LENG8: variants seen among roughly 807,000 people sequenced by gnomAD.
LENG8 encodes leukocyte receptor cluster (LRC) member 8.
A neutral mutation model predicts 102.1 loss-of-function variants in LENG8; 28 were observed. The observed-to-expected ratio is 0.27, with a 90% CI of 0.20 to 0.38. The LOEUF is 0.38. LENG8 is among the 10% of genes least tolerant of loss of function. The pLI, the probability that LENG8 is intolerant of heterozygous loss-of-function variation, is 1.00. For missense variants in LENG8, 1,022 were observed against 1,113.9 expected, an observed-to-expected ratio of 0.92 and a Z score of 1.17; for synonymous variants, 531 against 456.7, an observed-to-expected ratio of 1.16 and a Z score of -2.07.
At position 54,455,557 on chromosome 19, in the gene LENG8, C is replaced by G; in HGVS notation, c.1015C>G (p.Pro339Ala). Reference sequence around the variant, plus strand: ...CTATACCATTGACTGGAGCCGGGAGCCCTTGCCGGGGTTAGTCTGGGTGGG... The same window carrying G: ...CTATACCATTGACTGGAGCCGGGAGGCCTTGCCGGGGTTAGTCTGGGTGGG... ...SAYTIDWSREPLPGLTREPVA... is the reference protein window; with the variant it reads ...SAYTIDWSREALPGLTREPVA... The change falls in exon 8 of 16, where the codon CCC becomes GCC. Residue 339 changes from proline to alanine, a missense_variant. Coordinates refer to ENST00000326764, the MANE Select transcript of LENG8 (RefSeq NM_052925.4). 6.2e-7 allele frequency: 1 copy of G among 1,610,150 alleles called. No homozygotes were observed. The highest frequency in any genetic ancestry group is 1.1e-5 in the South Asian group (1 of 90,816).
At chr19:54,456,605 G>A (rs747803403) in intron 10 of LENG8, 31 bp from the exon 11 acceptor site, 2 of 1,587,940 alleles carry the variant, frequency 1.3e-6, no homozygotes, top group African/African-American at 1.3e-5. Context: ...GGAGACGCCT[G>A]TCGCGCTCAC....
Position 54,461,306 on chromosome 19 carries a change from G to A in LENG8, c.*378G>A. 1 of 466,132 alleles carries A rather than the reference G, an allele frequency of 2.1e-6. No homozygotes were observed. The highest frequency in any genetic ancestry group is 1.6e-5 in the South Asian group (1 of 63,218). 28.9% of individuals were successfully genotyped at this position (466,132 alleles called of 1,614,324 possible). On this transcript the variant is annotated 3_prime_UTR_variant, in exon 16 of 16. Transcript: ENST00000326764. ...GCCCATCCCATGCCGGGGGGCCAGT[G>A]GAAAGAAGACAGGCCGTCCAGCCCG...
chr19:54,461,469 C>A lies in LENG8; in HGVS notation c.*541C>A. 1 of 462,282 alleles carries A rather than the reference C, an allele frequency of 2.2e-6. No individual in the cohort carries two copies. Among genetic ancestry groups the A allele is most frequent in the Non-Finnish European group, 4.4e-6 (1 of 225,670 alleles). 28.6% of individuals were successfully genotyped at this position (462,282 alleles called of 1,614,324 possible). A position where few individuals can be genotyped will look rare whatever the true frequency, so the allele number is the denominator to read the frequency against. ...GAGCTGCTTAGAGACTGTGCCCGTCCTCGGCCCCCCACCCTGAAGTGCCAG... is the reference window on the plus strand; with the variant it reads ...GAGCTGCTTAGAGACTGTGCCCGTCATCGGCCCCCCACCCTGAAGTGCCAG... On this transcript the variant is annotated 3_prime_UTR_variant, in exon 16 of 16. Transcript: ENST00000326764.
Position 54,456,067 on chromosome 19 carries a change from G to C in LENG8, c.1126G>C (p.Gly376Arg), listed in dbSNP as rs1291656726. The C allele has an allele frequency of 3.7e-6, 6 of 1,609,780 alleles. No homozygotes were observed. Among genetic ancestry groups the C allele is most frequent in the Non-Finnish European group, 5.1e-6 (6 of 1,177,348 alleles). ...AGGGGCAGGCTCGGCGACAAGGGGC[G>C]GGGGTGCCCCGTCCCAGCGAGGGAC... ...PRGAGSATRG[G>R]GAPSQRGTPG... is the part of the protein sequence containing the mutation. The change falls in exon 9 of 16, where the codon GGG becomes CGG. Residue 376 changes from glycine (G) to arginine (R), a missense_variant. Transcript: ENST00000326764.
At chr19:54,454,243 A>G (rs536945962) in intron 5 of LENG8, among the ~76,000 whole-genome samples, 187 bp from the exon 6 acceptor site, 157 of 152,288 alleles carry the variant, frequency 1.0e-3, no homozygotes, top group African/African-American at 3.7e-3. Flanking sequence ...GTCAGCTGTG[A>G]AAAGGGCTGT....
At chr19:54,459,022 G>C in intron 15 of LENG8, 1 of 1,435,488 alleles carries the variant, frequency 7.0e-7, no homozygotes, top group East Asian at 2.5e-5. Context: ...TGGGCGCGGT[G>C]CCAGAGGCCC....
In LENG8 at chr19:54,460,910, G is replaced by A. The variant is rs371024736; in HGVS notation, c.2385G>A (p.Ala795=). ...GCATCGACTGCCGCCTCAGCCTGGC[G>A]CAGCTGTCAGCCTTCTGAGCACCCA... ...NSSIDCRLSL[A]QLSAF Residue 795 remains alanine (A), a synonymous_variant, in exon 16 of 16, where the codon GCG becomes GCA. Coordinates refer to ENST00000326764, the MANE Select transcript of LENG8 (RefSeq NM_052925.4). 58 of 1,549,164 alleles carry A rather than the reference G, an allele frequency of 3.7e-5. No homozygotes were observed. Among genetic ancestry groups the A allele is most frequent in the African/African-American group, 8.2e-5 (6 of 73,258 alleles).
chr19:54,460,093 G>A, intron 15 of LENG8: 1 of 1,289,816 alleles, frequency 7.8e-7, no homozygotes, highest in Non-Finnish European at 1.0e-6. Context: ...CTGGGAGACG[G>A]AGTGGGCTCT....
rs149967278 is a variant in LENG8 at position 54,455,064 on chromosome 19, C to T, written c.793C>T (p.Pro265Ser). ...CCAGCACAGTGGTTTTGGCCCCCAG[C>T]CCAACCCTGAGAAAGTTCAGAACCA... The part of the protein sequence containing the change: ...EGQHSGFGPQ[P>S]NPEKVQNHSG... Residue 265 changes from proline to serine, a missense_variant, in exon 7 of 16, where the codon CCC (proline) becomes TCC (serine). Transcript: ENST00000326764. 4.6e-5 allele frequency: 75 copies of T among 1,614,092 alleles called. No individual in the cohort carries two copies. Among genetic ancestry groups the T allele is most frequent in the Non-Finnish European group, 5.8e-5 (69 of 1,180,036 alleles).
chr19:54,461,230 T>C lies in LENG8; in HGVS notation c.*302T>C, dbSNP rs931120641. The C allele has an allele frequency of 8.2e-6, 5 of 612,064 alleles. No individual in the cohort carries two copies. The highest frequency in any genetic ancestry group is 3.6e-5 in the African/African-American group (2 of 55,050). 37.9% of individuals were successfully genotyped at this position (612,064 alleles called of 1,614,324 possible). On this transcript the variant is annotated 3_prime_UTR_variant, in exon 16 of 16. Transcript: ENST00000326764. ...ACTCCACTAATGCTGTCTCAGTGTT[T>C]TCTCTCTCTCTCTTTCGAGCTTGCA... is the stretch of plus-strand genomic sequence containing the variant.
intron 15 of LENG8, 163 bp from the exon 16 acceptor site, chr19:54,460,603 C>T: frequency 7.0e-7 from 1 of 1,424,270 alleles, no homozygotes. Flanking sequence ...CGGGCCCCCC[C>T]CGAGCCCCTG....
rs1432110922 is a variant in LENG8, at chr19:54,460,585, A to AGC, written c.2241-181_2241-180insGC. ...GGGGCACAGGGGACTGGGGTCACTA[A>AGC]CCCCCCCCGGGCCCCCCCCGAGCCC... On this transcript the variant is annotated intron_variant, in intron 15 of 15. Coordinates refer to ENST00000326764, the MANE Select transcript of LENG8 (RefSeq NM_052925.4). The AGC allele has an allele frequency of 3.0e-6, 4 of 1,347,416 alleles. No homozygotes were observed. The African/African-American group carries it at 6.0e-5, about 20-fold the overall frequency. 83.5% of individuals were successfully genotyped at this position (1,347,416 alleles called of 1,614,324 possible). A position where few individuals can be genotyped will look rare whatever the true frequency, so the allele number is the denominator to read the frequency against.
At chr19:54,455,871 C>T (rs2084205434) in intron 8 of LENG8, 96 bp from the exon 9 acceptor site, 1 of 1,371,394 alleles carries the variant, frequency 7.3e-7, no homozygotes, top group Non-Finnish European at 9.9e-7. Context: ...AGTGCCTTTC[C>T]TTTCGGAGGC....
rs1215739478 is a variant in LENG8, at chr19:54,454,476, C to A, written c.473C>A (p.Pro158His). The A allele has an allele frequency of 5.6e-6, 9 of 1,613,676 alleles. No individual in the cohort carries two copies. Among genetic ancestry groups the A allele is most frequent in the African/African-American group, 2.7e-5 (2 of 75,032 alleles). The change falls in exon 6 of 16, where the codon CCT (proline) becomes CAT (histidine). Residue 158 changes from proline to histidine, a missense_variant. By Grantham distance (77) the Pro-to-His change is moderately conservative. Transcript: ENST00000326764. ...GAGAGCATGTCCTACCAGGCTCCCC[C>A]TCAGCAGCTGCCGTCGGCTCAGCCC... ...MDESMSYQAP[P>H]QQLPSAQPPQ...
rs2084513364 is a variant in LENG8, at chr19:54,460,925, C to G, written c.2400C>G (p.Phe800Leu). ...TCAGCCTGGCGCAGCTGTCAGCCTT[C>G]TGAGCACCCAGCGAGGAGGGGCGGG... ...CRLSLAQLSA[F>L] is the part of the protein sequence containing the mutation. The change falls in exon 16 of 16, where the codon TTC becomes TTG. Residue 800 changes from phenylalanine (F) to leucine (L), a missense_variant. Around this residue, in one of 7 missense-constraint regions of LENG8, gnomAD observed 129 missense variants for 123.0 expected, o/e 1.05. Coordinates refer to ENST00000326764, the MANE Select transcript of LENG8 (RefSeq NM_052925.4). 1 of 1,547,044 alleles carries G rather than the reference C, an allele frequency of 6.5e-7. No homozygotes were observed. Among genetic ancestry groups the G allele is most frequent in the Non-Finnish European group, 8.7e-7 (1 of 1,148,472 alleles).
chr19:54,460,683 A>G, intron 15 of LENG8, 83 bp from the exon 16 acceptor site: 1 of 1,445,538 alleles, frequency 6.9e-7, no homozygotes, highest in Non-Finnish European at 9.1e-7. Flanking sequence ...TGGGCACCCG[A>G]ATGGGGGGGC....
chr19:54,458,002 G>A lies in LENG8; in HGVS notation c.1902G>A (p.Lys634=), dbSNP rs1220644033. The A allele has an allele frequency of 3.7e-6, 6 of 1,613,560 alleles. No homozygotes were observed. Among genetic ancestry groups the A allele is most frequent in the Non-Finnish European group, 5.1e-6 (6 of 1,180,032 alleles). ...CCCATGCCCGGATCGCCTTGGAGAAGGTGAGCTGGCCTCTGCGGGCCTCCC... is the reference window on the plus strand; with the variant it reads ...CCCATGCCCGGATCGCCTTGGAGAAAGTGAGCTGGCCTCTGCGGGCCTCCC... ...YETHARIALE[K]GDHEEFNQCQ... The change falls in exon 13 of 16, where the codon AAG becomes AAA. Residue 634 remains lysine (K), a splice_region_variant and synonymous_variant. Coordinates refer to ENST00000326764, the MANE Select transcript of LENG8 (RefSeq NM_052925.4).
Position 54,461,531 on chromosome 19 carries a change from C to T in LENG8, c.*603C>T, listed in dbSNP as rs920954859. 4.0e-5 allele frequency: 19 copies of T among 471,430 alleles called. No individual in the cohort carries two copies. The East Asian group carries it at 7.6e-4, about 19-fold the overall frequency. The allele number at this position is 471,430 out of a possible 1,614,324, so 29.2% of individuals were successfully genotyped here. A position where few individuals can be genotyped will look rare whatever the true frequency, so the allele number is the denominator to read the frequency against. ...CCAGATCCTCCGCCGCCACACCGCA[C>T]TGAGGACACGCCGGCCGGGCCGCCT... On this transcript the variant is annotated 3_prime_UTR_variant, in exon 16 of 16. Coordinates refer to ENST00000326764, the MANE Select transcript of LENG8 (RefSeq NM_052925.4).
chr19:54,458,069 T>G (rs771845705), intron 13 of LENG8, 34 bp from the exon 14 acceptor site: 3 of 1,612,128 alleles, frequency 1.9e-6, no homozygotes, highest in East Asian at 4.5e-5. Flanking sequence ...GCACCCTCAC[T>G]CTGCTCTCCT....
Sources: allele counts gnomAD v4.1 joint callset (sites outside exome capture counted in the v4.1 genomes callset), GRCh38; gene constraint gnomAD v4.1.1; regional missense constraint gnomAD v4.1.1; transcripts MANE v1.5; gene names NCBI Gene and HGNC (gene_info 2026-07-23, HGNC 2026-07-21).